The following ATP6V0A4 variants were observed in gnomAD, a reference collection of about 807,000 sequenced individuals.
The protein encoded by ATP6V0A4 is V-type proton ATPase 116 kDa subunit a 4.
ATP6V0A4 carries 86 observed loss-of-function variants against 107.3 expected under a neutral mutation model. That is an observed-to-expected ratio of 0.80 (90% confidence interval 0.67 to 0.96). The LOEUF is 0.96. ATP6V0A4 is among the 40% of genes least tolerant of loss of function. ATP6V0A4 has a pLI of 0.00. For missense variants in ATP6V0A4, 908 were observed against 1,045.6 expected (o/e 0.87, Z 1.81); for synonymous variants, 353 against 381.4 (o/e 0.93, Z 0.87).
chr7:138,760,693 T>C (rs1285660600), intron 7 of ATP6V0A4, among the ~76,000 whole-genome samples: 4 of 152,202 alleles, frequency 2.6e-5, no homozygotes, highest in African/African-American at 9.6e-5. Context: ...TCATTGATCC[T>C]GTATTACTTT....
At chr7:138,784,852 G>T (rs984922495) in intron 2 of ATP6V0A4, among the ~76,000 whole-genome samples, 2 of 152,114 alleles carry the variant, frequency 1.3e-5, no homozygotes, top group African/African-American at 4.8e-5. Flanking sequence ...AGCCTCAAAG[G>T]TCCCCGGCAA....
intron 5 of ATP6V0A4, among the ~76,000 whole-genome samples, chr7:138,764,679 A>T (rs1452700186): frequency 6.6e-6 from 1 of 152,228 alleles, no homozygotes; most frequent in Non-Finnish European, 1.5e-5. Context: ...ATAACTGAAA[A>T]AGCCAGTGAA....
At chr7:138,735,379 C>T (rs1805262486) in intron 15 of ATP6V0A4, among the ~76,000 whole-genome samples, 1 of 152,138 alleles carries the variant, frequency 6.6e-6, no homozygotes. Flanking sequence ...GGCACAATGG[C>T]TTTCTCACCT....
intron 7 of ATP6V0A4, among the ~76,000 whole-genome samples, chr7:138,760,327 C>A (rs1806739660): frequency 6.6e-6 from 1 of 151,502 alleles, no homozygotes; most frequent in Admixed American, 6.6e-5. Context: ...CCTATAGTCC[C>A]AGCTACTCAG....
rs1406251392 is a variant in ATP6V0A4, at chr7:138,773,765, C to G, written c.-17-2501G>C. On this transcript the variant is annotated intron_variant, in intron 2 of 21. Transcript: ENST00000310018. This position sits in a 1 kb window ranked among gnomAD's most constrained non-coding sequence, Gnocchi z 5.4. ...GCCAAGTGAACATAGACCAGAGACC[C>G]AAGGCATTCACTTTATGCAGATCAA... 1 of 152,280 alleles carries G rather than the reference C, an allele frequency of 6.6e-6. No individual in the cohort carries two copies. The highest frequency in any genetic ancestry group is 1.5e-5 in the Non-Finnish European group (1 of 68,084). 9.4% of individuals were successfully genotyped at this position (152,280 alleles called of 1,614,324 possible). A position where few individuals can be genotyped will look rare whatever the true frequency, so the allele number is the denominator to read the frequency against.
intron 1 of ATP6V0A4, among the ~76,000 whole-genome samples, chr7:138,795,535 AC>A (rs1441728455): frequency 2.6e-5 from 4 of 152,222 alleles, no homozygotes. Context: ...ATTAAAATGC[AC>A]CCAGCGTCCC....
chr7:138,711,326 G>A (rs1418309105), intron 20 of ATP6V0A4, among the ~76,000 whole-genome samples: 1 of 152,194 alleles, frequency 6.6e-6, no homozygotes, highest in Non-Finnish European at 1.5e-5. Flanking sequence ...GGCTCTCACT[G>A]TCCAACCTAT....
intron 15 of ATP6V0A4, among the ~76,000 whole-genome samples, chr7:138,737,869 C>G (rs1056265842): frequency 1.3e-5 from 2 of 151,216 alleles, no homozygotes; most frequent in African/African-American, 4.9e-5. Flanking sequence ...TAAAGCAATT[C>G]TCCTGCCTCA....
chr7:138,736,285 A>T (rs1805320204), intron 15 of ATP6V0A4, among the ~76,000 whole-genome samples: 1 of 152,172 alleles, frequency 6.6e-6, no homozygotes, highest in East Asian at 1.9e-4. Context: ...AAATGTTAAT[A>T]GTTAAGTACC....
At chr7:138,797,990 T>C in intron 1 of ATP6V0A4, 44 bp downstream of exon 1, 1 of 1,547,008 alleles carries the variant, frequency 6.5e-7, no homozygotes, top group Non-Finnish European at 8.7e-7. Context: ...AGTTCACCTC[T>C]GGCAGAGTTG....
intron 19 of ATP6V0A4, 52 bp from the exon 20 acceptor site, chr7:138,715,933 G>A: frequency 6.2e-7 from 1 of 1,603,066 alleles, no homozygotes; most frequent in Non-Finnish European, 8.5e-7. Context: ...CTACACAAAA[G>A]TTATTCCAAA....
At chr7:138,787,341 C>T (rs975291492) in intron 1 of ATP6V0A4, among the ~76,000 whole-genome samples, 6 of 152,204 alleles carry the variant, frequency 3.9e-5, no homozygotes, top group East Asian at 1.9e-4. Flanking sequence ...TTTTTCCCCT[C>T]GTGTTCCCCT....
At chr7:138,751,506 C>T (rs973043899) in intron 11 of ATP6V0A4, among the ~76,000 whole-genome samples, 1 of 151,480 alleles carries the variant, frequency 6.6e-6, no homozygotes. Flanking sequence ...CACTCTCCAT[C>T]CTGCCCCTCG....
chr7:138,723,402 G>T (rs1413227267), intron 18 of ATP6V0A4, among the ~76,000 whole-genome samples: 1 of 152,038 alleles, frequency 6.6e-6, no homozygotes, highest in Non-Finnish European at 1.5e-5. Flanking sequence ...AAGTGTGAAT[G>T]GTATATTTCT....
chr7:138,743,257 A>G (rs1805727930), intron 14 of ATP6V0A4, among the ~76,000 whole-genome samples: 2 of 152,056 alleles, frequency 1.3e-5, no homozygotes, highest in Non-Finnish European at 2.9e-5. Context: ...CAGGAGTTTG[A>G]GACCAGCCTG....
rs1807221775 is a variant in ATP6V0A4, at chr7:138,768,831, CA to C, written c.239del (p.Leu80CysfsTer7). ...GCGGGGTCAGTGGGCTTTTCTCGAG[CA>C]ACTGAACTACAATCTCATTTTGCAT... Reference protein sequence around the residue: ...DEMQNEIVVQLLEKSPLTPLP... With the variant: ...DEMQNEIVVQXLEKSPLTPLP... On this transcript the variant is annotated frameshift_variant, in exon 5 of 22. Coordinates refer to ENST00000310018, the MANE Select transcript of ATP6V0A4 (RefSeq NM_020632.3). LOFTEE classifies it high-confidence loss of function. 2 of 1,614,170 alleles carry C rather than the reference CA, an allele frequency of 1.2e-6. No individual in the cohort carries two copies. Among genetic ancestry groups the C allele is most frequent in the Non-Finnish European group, 1.7e-6 (2 of 1,180,028 alleles).
chr7:138,760,553 A>G (rs541810341), intron 7 of ATP6V0A4, among the ~76,000 whole-genome samples: 1 of 152,132 alleles, frequency 6.6e-6, no homozygotes, highest in South Asian at 2.1e-4. Context: ...AAATATTTTA[A>G]TACTAAGAGG....
At chr7:138,780,696 G>A (rs1359665788) in intron 2 of ATP6V0A4, among the ~76,000 whole-genome samples, 1 of 152,096 alleles carries the variant, frequency 6.6e-6, no homozygotes, top group Non-Finnish European at 1.5e-5. Flanking sequence ...TGGGGAAAGA[G>A]AGTTTGAGAC....
chr7:138,758,801 A>C (rs552183754), intron 8 of ATP6V0A4, among the ~76,000 whole-genome samples: 1 of 118,680 alleles, frequency 8.4e-6, no homozygotes, highest in East Asian at 2.7e-4. Context: ...CCCAGGCTGG[A>C]GTGCAGTGGC....
Sources: allele counts gnomAD v4.1 joint callset (sites outside exome capture counted in the v4.1 genomes callset), GRCh38; gene constraint gnomAD v4.1.1; non-coding constraint Gnocchi (gnomAD v3.1); transcripts MANE v1.5; gene names NCBI Gene and HGNC (gene_info 2026-07-23, HGNC 2026-07-21).